The following SCAPER variants were observed in gnomAD, a reference collection of about 807,000 sequenced individuals.
SCAPER encodes S-phase cyclin A associated protein in the ER, also known as S phase cyclin A-associated protein in the endoplasmic reticulum.
A neutral mutation model predicts 182.2 loss-of-function variants in SCAPER; 98 were observed. The observed-to-expected ratio is 0.54, with a 90% confidence interval of 0.46 to 0.64. The LOEUF is 0.64. Among genes scored for constraint, SCAPER ranks in the 30% least tolerant of loss-of-function variants. SCAPER has a pLI of 0.00. For missense variants in SCAPER, 1,432 were observed against 1,690.0 expected (o/e 0.85, Z 2.68); for synonymous variants, 605 against 564.6 (o/e 1.07, Z -1.01).
At chr15:76,641,900 C>T (rs2054136334) in intron 21 of SCAPER, among the ~76,000 whole-genome samples, 1 of 152,182 alleles carries the variant, frequency 6.6e-6, no homozygotes. Context: ...TGAAGAACAA[C>T]ATGTTGTCAC....
intron 22 of SCAPER, among the ~76,000 whole-genome samples, chr15:76,606,939 C>T (rs1156308362): frequency 6.6e-6 from 1 of 152,178 alleles, no homozygotes; most frequent in Admixed American, 6.5e-5. Flanking sequence ...TTCCTGAATA[C>T]AGCACACTGA....
At chr15:76,638,374 A>T (rs2053820272) in intron 21 of SCAPER, among the ~76,000 whole-genome samples, 2 of 152,226 alleles carry the variant, frequency 1.3e-5, no homozygotes, top group Admixed American at 6.5e-5. Flanking sequence ...ATCTTATCAA[A>T]TTGACTACAA....
chr15:76,631,182 T>A (rs1346889993), intron 21 of SCAPER, among the ~76,000 whole-genome samples: 2 of 152,228 alleles, frequency 1.3e-5, no homozygotes, highest in African/African-American at 4.8e-5. Context: ...TCTATGTGTG[T>A]CTTTGCATGT....
intron 20 of SCAPER, among the ~76,000 whole-genome samples, chr15:76,666,123 T>A (rs2056554716): frequency 6.6e-6 from 1 of 152,108 alleles, no homozygotes; most frequent in South Asian, 2.1e-4. Flanking sequence ...AATCAGAGAT[T>A]TAGAGTGCCG....
intron 19 of SCAPER, 127 bp downstream of exon 19, chr15:76,702,723 A>T: frequency 1.9e-6 from 2 of 1,065,530 alleles, no homozygotes; most frequent in Non-Finnish European, 2.7e-6. Flanking sequence ...TGCTGAAATT[A>T]CAGGTGTGAG....
At chr15:76,840,206 C>T (rs966658219) in intron 5 of SCAPER, among the ~76,000 whole-genome samples, 4 of 152,022 alleles carry the variant, frequency 2.6e-5, no homozygotes, top group Non-Finnish European at 4.4e-5. Flanking sequence ...TCGCTTGAGC[C>T]CAGGAGTTCA....
rs1233264724 is a variant in SCAPER at position 76,857,816 on chromosome 15, G to A, written c.188C>T (p.Thr63Ile). 4.6e-6 allele frequency: 7 copies of A among 1,538,240 alleles called. No individual in the cohort carries two copies. Among genetic ancestry groups the A allele is most frequent in the African/African-American group, 2.7e-5 (2 of 72,780 alleles). Residue 63 changes from threonine (T) to isoleucine (I), a missense_variant, in exon 4 of 32, where the codon ACT becomes ATT. Thr to Ile is a moderately conservative substitution (Grantham distance 89). Transcript: ENST00000563290. Reference protein sequence around the residue: ...KRTIQGTHKTTKQSTAVDCKI... With the variant: ...KRTIQGTHKTIKQSTAVDCKI... ...AAGTTATAGATGCTGTACCTGTTTA[G>A]TAGTTTTATGAGTGCCTTGAATGGT...
chr15:76,472,488 C>T, intron 24 of SCAPER: 1 of 397,342 alleles, frequency 2.5e-6, no homozygotes, highest in Non-Finnish European at 4.8e-6. Context: ...GCCTCAGCTT[C>T]ACCAGTAGCT....
intron 22 of SCAPER, among the ~76,000 whole-genome samples, chr15:76,621,019 A>T (rs991167534): frequency 3.1e-4 from 47 of 152,278 alleles, no homozygotes; most frequent in Admixed American, 8.5e-4. Context: ...TTAAAAAAAA[A>T]TTTTTAAAAG....
chr15:76,348,763 GT>G, intron 31 of SCAPER, 27 bp from the exon 32 acceptor site: 1 of 1,367,966 alleles, frequency 7.3e-7, no homozygotes, highest in Non-Finnish European at 9.9e-7. Flanking sequence ...AGAGAAAAAA[GT>G]TAAATAAAAG....
chr15:76,645,793 T>G (rs1250250765), intron 21 of SCAPER, among the ~76,000 whole-genome samples: 2 of 152,178 alleles, frequency 1.3e-5, no homozygotes, highest in Non-Finnish European at 2.9e-5. Context: ...TTAAATGTGT[T>G]GAATGAATTC....
chr15:76,621,099 G>C (rs1173197748), intron 22 of SCAPER, among the ~76,000 whole-genome samples: 1 of 152,144 alleles, frequency 6.6e-6, no homozygotes, highest in East Asian at 1.9e-4. Flanking sequence ...GGTCTGAATA[G>C]GACTTCCTAA....
intron 14 of SCAPER, among the ~76,000 whole-genome samples, chr15:76,763,597 C>T (rs1366753813): frequency 6.6e-6 from 1 of 151,912 alleles, no homozygotes; most frequent in African/African-American, 2.4e-5. Flanking sequence ...CCCTATAATG[C>T]ATATATTCAT....
chr15:76,710,768 A>C (rs1011208687), intron 17 of SCAPER, among the ~76,000 whole-genome samples: 2 of 152,166 alleles, frequency 1.3e-5, no homozygotes, highest in Admixed American at 1.3e-4. Flanking sequence ...TGAACCTAAA[A>C]TTTATATGGA....
In SCAPER at chr15:76,690,990, G is replaced by A. The variant is rs543108456; in HGVS notation, c.2508+10768C>T. Among the ~76,000 whole-genome samples the A allele has an allele frequency of 7.9e-5, 12 of 152,000 alleles. No individual in the cohort carries two copies. The East Asian group carries it at 2.3e-3, about 29-fold the overall frequency. On this transcript the variant is annotated intron_variant, in intron 20 of 31. Transcript: ENST00000563290. ...GAATCAAAAGCAAGGGAAAAAAGAG[G>A]GCTCTTGATCTTGTTTTCACTACTC...
intron 24 of SCAPER, among the ~76,000 whole-genome samples, chr15:76,489,228 A>C (rs2052026155): frequency 7.2e-6 from 1 of 138,280 alleles, no homozygotes; most frequent in African/African-American, 2.6e-5. Context: ...TTTGCCATTA[A>C]AAGTAACAGA....
chr15:76,418,901 A>C (rs1192098008), intron 26 of SCAPER, among the ~76,000 whole-genome samples: 1 of 152,238 alleles, frequency 6.6e-6, no homozygotes, highest in Non-Finnish European at 1.5e-5. Context: ...TCTTGAAGCC[A>C]GCCTGGTTGT....
chr15:76,839,848 C>T lies in SCAPER; in HGVS notation c.393+1886G>A, dbSNP rs76605648. Among the ~76,000 whole-genome samples, 736 of 152,200 alleles carry T rather than the reference C, an allele frequency of 4.8e-3. 9 individuals carry two copies. Among genetic ancestry groups the T allele is most frequent in the African/African-American group, 0.017 (700 of 41,532 alleles). On this transcript the variant is annotated intron_variant, in intron 5 of 31. Coordinates refer to ENST00000563290, the MANE Select transcript of SCAPER (RefSeq NM_020843.4). ...CAAGTTTCTGCTTATCACAAAAAGA[C>T]GTCATTGCAATTGGTCAATCTCACT...
At chr15:76,568,190 C>CATATATATATATATATATATAT (rs60959582) in intron 23 of SCAPER, among the ~76,000 whole-genome samples, 13 of 138,722 alleles carry the variant, frequency 9.4e-5, no homozygotes, top group African/African-American at 3.6e-4. Flanking sequence ...ATGGATCAAG[C>CATATATATATATATATATATAT]ATATATATAT....
Sources: allele counts gnomAD v4.1 joint callset (sites outside exome capture counted in the v4.1 genomes callset), GRCh38; gene constraint gnomAD v4.1.1; transcripts MANE v1.5; gene names NCBI Gene and HGNC (gene_info 2026-07-23, HGNC 2026-07-21).